INTS11: variants seen among roughly 807,000 people sequenced by gnomAD.
INTS11 encodes CPSF3-like protein.
Under a neutral mutation model 78.6 loss-of-function variants are expected in INTS11, and 77 were observed. That is an observed-to-expected ratio of 0.98 (90% CI 0.81 to 1.18). The LOEUF is 1.18. INTS11 is among the 50% of genes most tolerant of loss of function. The pLI is 0.00. For synonymous variants in INTS11, 441 were observed against 326.9 expected (o/e 1.35, Z -3.77); for missense variants, 875 against 825.9 (o/e 1.06, Z -0.73).
At position 1,312,904 on chromosome 1, in the gene INTS11, C is replaced by T. The variant is rs1316646569; in HGVS notation, c.1177G>A (p.Ala393Thr). The T allele has an allele frequency of 6.2e-7, 1 of 1,612,518 alleles. No homozygotes were observed. The highest frequency in any genetic ancestry group is 8.5e-7 in the Non-Finnish European group (1 of 1,179,802). Reference protein sequence around the residue: ...QVEYMSFSAHADAKGIMQLVG... With the variant: ...QVEYMSFSAHTDAKGIMQLVG... ...AGCTGCATGATGCCCTTGGCGTCCG[C>T]GTGTGCGCTGAATGACATGTACTCC... is the stretch of plus-strand genomic sequence containing the variant. The change falls in exon 12 of 17, where the codon GCG (alanine) becomes ACG (threonine). Residue 393 changes from alanine (A) to threonine (T), a missense_variant. By Grantham distance (58) the Ala-to-Thr change is moderately conservative (BLOSUM62 0). Coordinates refer to ENST00000435064, the MANE Select transcript of INTS11 (RefSeq NM_017871.6).
Position 1,312,213 on chromosome 1 carries a change from G to GCCGGGGCCCCCCCCCCCCCCCC in INTS11, c.1607+12_1607+13insGGGGGGGGGGGGGGGGCCCCGG. The stretch of plus-strand genomic sequence containing the variant: ...CCCAAGGGAGTGGGGGGGGGGCGGG[G>GCCGGGGCCCCCCCCCCCCCCCC]CCGGGCGCCCACCTCTTGAGGTGGC... On this transcript the variant is annotated intron_variant, in intron 15 of 16. Transcript: ENST00000435064. 1.1e-6 allele frequency: 1 copy of GCCGGGGCCCCCCCCCCCCCCCC among 934,610 alleles called. No homozygotes were observed. 57.9% of individuals were successfully genotyped at this position (934,610 alleles called of 1,614,324 possible).
Position 1,313,925 on chromosome 1 carries a change from G to A in INTS11, c.768-4C>T. 1 of 1,610,988 alleles carries A rather than the reference G, an allele frequency of 6.2e-7. No individual in the cohort carries two copies. Among genetic ancestry groups the A allele is most frequent in the South Asian group, 1.1e-5 (1 of 91,048 alleles). ...CACCTTCAGGTTCATGCGCTCCCTG[G>A]GGACCACCGGCCCAGTCAGCACAGT... On this transcript the variant is annotated splice_polypyrimidine_tract_variant and splice_region_variant and intron_variant, in intron 8 of 16. Transcript: ENST00000435064.
intron 10 of INTS11, 148 bp downstream of exon 10, chr1:1,313,361 G>T: frequency 2.1e-6 from 2 of 956,230 alleles, no homozygotes; most frequent in Non-Finnish European, 3.2e-6. Flanking sequence ...GCAGCTCCAG[G>T]CGGACATCGC....
chr1:1,313,286 A>G, intron 10 of INTS11, 162 bp from the exon 11 acceptor site: 1 of 936,950 alleles, frequency 1.1e-6, no homozygotes, highest in Non-Finnish European at 1.6e-6. Context: ...TTTTGGCACA[A>G]GACTGTCCAG....
chr1:1,312,835 C>T lies in INTS11; in HGVS notation c.1246G>A (p.Glu416Lys), dbSNP rs376990108. 4.3e-6 allele frequency: 7 copies of T among 1,611,728 alleles called. No homozygotes were observed. The highest frequency in any genetic ancestry group is 5.9e-6 in the Non-Finnish European group (7 of 1,179,762). Residue 416 changes from glutamate (E) to lysine (K), a missense_variant, in exon 12 of 17, where the codon GAG becomes AAG. By Grantham distance (56) the Glu-to-Lys change is moderately conservative. Transcript: ENST00000435064. ...EPESVLLVHG[E>K]AKKMEFLKQK... ...TTCAGGAACTCCATCTTCTTGGCCT[C>T]GCCATGCACCAGCAGCACGCTCTCC...
chr1:1,314,447 GC>G lies in INTS11; in HGVS notation c.703-83del. ...GCGTCCAGTGAGGGCACGGCCAGGT[GC>G]CCAAGAGCTGCGGCCTCATAGGGAC... On this transcript the variant is annotated intron_variant, in intron 7 of 16. Coordinates refer to ENST00000435064, the MANE Select transcript of INTS11 (RefSeq NM_017871.6). This position sits in a 1 kb window ranked among gnomAD's most constrained non-coding sequence, Gnocchi z 4.2. 7.7e-7 allele frequency: 1 copy of G among 1,300,364 alleles called. No individual in the cohort carries two copies. The highest frequency in any genetic ancestry group is 2.5e-5 in the East Asian group (1 of 39,808). The allele number at this position is 1,300,364 out of a possible 1,614,324, so 80.6% of individuals were successfully genotyped here.
At chr1:1,320,325 TG>T in intron 3 of INTS11, 130 bp downstream of exon 3, 2 of 808,552 alleles carry the variant, frequency 2.5e-6, no homozygotes, top group Non-Finnish European at 2.1e-6. Context: ...GAGCAGATCC[TG>T]GGGCCTAGAA....
At chr1:1,323,060 G>A (rs1183387772) in intron 1 of INTS11, 1 of 1,466,984 alleles carries the variant, frequency 6.8e-7, no homozygotes, top group Non-Finnish European at 9.1e-7. Context: ...CCAGAGAGCA[G>A]GGGAGGGCAG....
chr1:1,323,033 A>G (rs1410193764), intron 1 of INTS11: 1 of 1,414,514 alleles, frequency 7.1e-7, no homozygotes, highest in Non-Finnish European at 9.3e-7. Context: ...GCAGGCTGGG[A>G]GGACCCCACG....
rs751844160 is a variant in INTS11 at position 1,313,603 on chromosome 1, C to G, written c.958-11G>C. ...CGTGGCAAACACAACCTACAGGACA[C>G]ACAGGGCCAGGTGGGGGGTCAGGGC... On this transcript the variant is annotated splice_polypyrimidine_tract_variant and intron_variant, in intron 9 of 16. Coordinates refer to ENST00000435064, the MANE Select transcript of INTS11 (RefSeq NM_017871.6). 3.1e-6 allele frequency: 5 copies of G among 1,612,880 alleles called. No homozygotes were observed. The East Asian group carries it at 1.1e-4, about 36-fold the overall frequency.
intron 3 of INTS11, 71 bp downstream of exon 3, chr1:1,320,385 A>G (rs1642874519): frequency 2.0e-5 from 29 of 1,479,866 alleles, no homozygotes; most frequent in Non-Finnish European, 2.5e-5. Flanking sequence ...AACGCTGCCG[A>G]GACCAAGCAA....
At chr1:1,313,305 TG>T in intron 10 of INTS11, 181 bp from the exon 11 acceptor site, 1 of 894,238 alleles carries the variant, frequency 1.1e-6, no homozygotes, top group Non-Finnish European at 1.7e-6. Context: ...AGGGCTGGGC[TG>T]GGGCTGTTCT....
Position 1,313,594 on chromosome 1 carries a change from T to C in INTS11, c.958-2A>G, listed in dbSNP as rs267597965. ...CATTCCTGGCGTGGCAAACACAACCTACAGGACACACAGGGCCAGGTGGGG... is the reference window on the plus strand; with the variant it reads ...CATTCCTGGCGTGGCAAACACAACCCACAGGACACACAGGGCCAGGTGGGG... On this transcript the variant is annotated splice_acceptor_variant, in intron 9 of 16. Coordinates refer to ENST00000435064, the MANE Select transcript of INTS11 (RefSeq NM_017871.6). LOFTEE classifies it high-confidence loss of function. The C allele has an allele frequency of 2.7e-5, 43 of 1,612,752 alleles. No individual in the cohort carries two copies. The highest frequency in any genetic ancestry group is 1.8e-5 in the Non-Finnish European group (21 of 1,179,996).
chr1:1,312,194 G>GGA, intron 15 of INTS11, 32 bp downstream of exon 15: 1 of 1,394,162 alleles, frequency 7.2e-7, no homozygotes, highest in Non-Finnish European at 9.5e-7. Context: ...AGGGCCCAAG[G>GGA]GAGTGGGGGG....
At chr1:1,318,844 C>T (rs1477832977) in intron 4 of INTS11, 2 of 621,672 alleles carry the variant, frequency 3.2e-6, no homozygotes, top group African/African-American at 1.8e-5. Context: ...TTTCACCTGT[C>T]ACTCGCTGAT....
intron 4 of INTS11, chr1:1,317,863 A>C (rs960602113): frequency 2.0e-5 from 3 of 152,148 alleles, no homozygotes; most frequent in Non-Finnish European, 4.4e-5. Context: ...CAGGCAAATA[A>C]ATTTTTTTTT....
Position 1,313,585 on chromosome 1 carries a change from AAC to A in INTS11, c.963_964del (p.Phe322CysfsTer150), listed in dbSNP as rs1642378612. On this transcript the variant is annotated frameshift_variant, in exon 10 of 17. Transcript: ENST00000435064. LOFTEE classifies it high-confidence loss of function. ...AGCGTGCAGCATTCCTGGCGTGGCA[AAC>A]ACAACCTACAGGACACACAGGGCCA... 5.0e-6 allele frequency: 8 copies of A among 1,612,804 alleles called. No individual in the cohort carries two copies. The highest frequency in any genetic ancestry group is 5.9e-6 in the Non-Finnish European group (7 of 1,180,014).
At chr1:1,320,187 C>A in intron 3 of INTS11, 1 of 463,026 alleles carries the variant, frequency 2.2e-6, no homozygotes, top group Non-Finnish European at 3.9e-6. Context: ...GTTTAAAGAT[C>A]CTGAGACAGT....
rs1490416498 is a variant in INTS11 at position 1,322,063 on chromosome 1, G to A, written c.29-970C>T. The A allele has an allele frequency of 2.7e-5, 24 of 880,318 alleles. No individual in the cohort carries two copies. In the South Asian group the frequency reaches 7.2e-4, roughly 26 times the overall value. The allele number at this position is 880,318 out of a possible 1,614,324, so 54.5% of individuals were successfully genotyped here. On this transcript the variant is annotated intron_variant, in intron 1 of 16. Transcript: ENST00000435064. ...TGGGTGTGAGCTCTCTGAGAGCAGG[G>A]TCTCAGCTGTCTCCTCCCTCTGCAT...
Sources: allele counts gnomAD v4.1 joint callset, GRCh38; gene constraint gnomAD v4.1.1; non-coding constraint Gnocchi (gnomAD v3.1); transcripts MANE v1.5; gene names NCBI Gene and HGNC (gene_info 2026-07-23, HGNC 2026-07-21).